CFAP95: variants seen among roughly 807,000 people sequenced by gnomAD.
CFAP95 encodes the protein cilia and flagella associated protein 95, also known as cilia- and flagella-associated protein 95.
chr9:69,904,256 T>C, the CFAP95 span, among the ~76,000 whole-genome samples: 15,359 of 152,256 alleles, frequency 0.1, 888 homozygotes, highest in African/African-American at 0.15. Flanking sequence ...TACTTTTCTG[T>C]GTCTGTGAAT....
the CFAP95 span, among the ~76,000 whole-genome samples, chr9:69,847,349 C>T: frequency 6.6e-6 from 1 of 152,108 alleles, no homozygotes; most frequent in Non-Finnish European, 1.5e-5. Context: ...AATGAGGGAG[C>T]TGAGAACAAG....
chr9:69,903,052 A>G, the CFAP95 span, among the ~76,000 whole-genome samples: 6 of 152,330 alleles, frequency 3.9e-5, no homozygotes, highest in South Asian at 1.2e-3. Context: ...AAAGCAATTT[A>G]CTGGCTTCCA....
the CFAP95 span, among the ~76,000 whole-genome samples, chr9:69,846,606 C>A: frequency 6.6e-6 from 1 of 152,138 alleles, no homozygotes; most frequent in East Asian, 1.9e-4. Flanking sequence ...TTATTTAGTT[C>A]TAAACCTAGA....
the CFAP95 span, among the ~76,000 whole-genome samples, chr9:69,842,528 G>A: frequency 6.6e-6 from 1 of 152,176 alleles, no homozygotes; most frequent in East Asian, 1.9e-4. Context: ...ACTATACATA[G>A]ATGTTTATGA....
chr9:69,894,996 A>G, the CFAP95 span, among the ~76,000 whole-genome samples: 1 of 140,422 alleles, frequency 7.1e-6, no homozygotes, highest in South Asian at 2.2e-4. Context: ...ATCTCAAAAA[A>G]AAAGAAAAAA....
At chr9:69,880,086 A>T in the CFAP95 span, among the ~76,000 whole-genome samples, 1 of 152,190 alleles carries the variant, frequency 6.6e-6, no homozygotes, top group Non-Finnish European at 1.5e-5. Flanking sequence ...TAATAATCAC[A>T]TCATGAAAAA....
chr9:69,830,737 G>A, the CFAP95 span, among the ~76,000 whole-genome samples: 2 of 152,132 alleles, frequency 1.3e-5, no homozygotes, highest in African/African-American at 2.4e-5. Context: ...AACTTCAAAC[G>A]TTTGGGCTCA....
chr9:69,837,543 C>G, the CFAP95 span, among the ~76,000 whole-genome samples: 2 of 151,832 alleles, frequency 1.3e-5, no homozygotes, highest in African/African-American at 4.9e-5. Flanking sequence ...TGAGAAGTGT[C>G]TGTTCATGTC....
At chr9:69,861,984 CT>C in the CFAP95 span, among the ~76,000 whole-genome samples, 2 of 152,120 alleles carry the variant, frequency 1.3e-5, no homozygotes, top group Non-Finnish European at 2.9e-5. Flanking sequence ...CTGTGTGCTT[CT>C]TTTATGCAAA....
At chr9:69,876,501 C>G in the CFAP95 span, among the ~76,000 whole-genome samples, 1 of 151,532 alleles carries the variant, frequency 6.6e-6, no homozygotes, top group Non-Finnish European at 1.5e-5. Flanking sequence ...CCACTGCACT[C>G]CAGCCTGGGG....
chr9:69,858,484 A>G, the CFAP95 span, among the ~76,000 whole-genome samples: 1 of 152,182 alleles, frequency 6.6e-6, no homozygotes, highest in Non-Finnish European at 1.5e-5. Context: ...ATGGTGGTGA[A>G]GTGCTGCCGT....
the CFAP95 span, among the ~76,000 whole-genome samples, chr9:69,851,973 C>T: frequency 1.3e-5 from 2 of 151,990 alleles, no homozygotes; most frequent in Non-Finnish European, 2.9e-5. Flanking sequence ...TGATTGCACC[C>T]TATGAGTCTC....
the CFAP95 span, among the ~76,000 whole-genome samples, chr9:69,845,327 G>T: frequency 6.6e-6 from 1 of 152,158 alleles, no homozygotes; most frequent in Non-Finnish European, 1.5e-5. Flanking sequence ...AATGTCACGA[G>T]CTTTGTGGCT....
the CFAP95 span, among the ~76,000 whole-genome samples, chr9:69,837,352 G>A: frequency 1.3e-5 from 2 of 151,894 alleles, no homozygotes; most frequent in African/African-American, 4.8e-5. Context: ...CACCAACAGT[G>A]TAAAAGTGTT....
chr9:69,822,322 T>A, the CFAP95 span, among the ~76,000 whole-genome samples: 4 of 152,260 alleles, frequency 2.6e-5, no homozygotes, highest in Non-Finnish European at 5.9e-5. Context: ...ATGCGACCCC[T>A]GCAGTTTCTG....
the CFAP95 span, among the ~76,000 whole-genome samples, chr9:69,886,042 C>T: frequency 6.6e-6 from 1 of 152,150 alleles, no homozygotes; most frequent in Non-Finnish European, 1.5e-5. Context: ...CTGAGTAGTG[C>T]CACAAAATCT....
chr9:69,906,059 G>A, the CFAP95 span: 1 of 1,613,384 alleles, frequency 6.2e-7, no homozygotes, highest in Non-Finnish European at 8.5e-7. Context: ...TTGGCATGAT[G>A]AGAGTGGGAT....
chr9:69,905,957 T>C, the CFAP95 span: 1 of 1,598,210 alleles, frequency 6.3e-7, no homozygotes, highest in Non-Finnish European at 8.5e-7. Flanking sequence ...CCCATAGGCT[T>C]ATCCCTGTCA....
the CFAP95 span, among the ~76,000 whole-genome samples, chr9:69,834,149 AG>A: frequency 5.9e-5 from 9 of 152,322 alleles, no homozygotes; most frequent in African/African-American, 2.2e-4. Context: ...ACTCCATGCC[AG>A]GTATACTGCA....
Sources: allele counts gnomAD v4.1 joint callset (sites outside exome capture counted in the v4.1 genomes callset), GRCh38; gene constraint gnomAD v4.1.1; transcripts MANE v1.5; gene names NCBI Gene and HGNC (gene_info 2026-07-23, HGNC 2026-07-21).